PSMD6: variants seen among roughly 807,000 people sequenced by gnomAD.
PSMD6 encodes the protein proteasome 26S subunit, non-ATPase 6.
Under a neutral mutation model 44.9 loss-of-function variants are expected in PSMD6, and 7 were observed. That is an observed-to-expected ratio of 0.16 (90% CI 0.09 to 0.29). The LOEUF is 0.29. PSMD6 is among the 10% of genes least tolerant of loss of function. The pLI is 1.00. For synonymous variants in PSMD6, 184 were observed against 172.7 expected (o/e 1.07, Z -0.51); for missense variants, 420 against 482.6 (o/e 0.87, Z 1.21).
intron 6 of PSMD6, chr3:64,011,946 A>AATGAAC (rs1365320856): frequency 6.6e-6 from 1 of 152,264 alleles, no homozygotes; most frequent in Admixed American, 6.5e-5. Context: ...CCCGCACCCT[A>AATGAAC]ATGAACAGCC....
chr3:64,012,312 C>T (rs1173184061), intron 6 of PSMD6: 1 of 152,048 alleles, frequency 6.6e-6, no homozygotes, highest in East Asian at 1.9e-4. Flanking sequence ...TTTAAAAACA[C>T]CTACATGTGG....
At chr3:64,015,823 GT>G (rs1356597790) in intron 5 of PSMD6, 2 of 152,106 alleles carry the variant, frequency 1.3e-5, no homozygotes, top group Non-Finnish European at 2.9e-5. Context: ...ATATGATACT[GT>G]TTACAACTGT....
At chr3:64,023,088 G>A (rs1420402129) in intron 1 of PSMD6, 187 bp downstream of exon 1, 2 of 1,426,290 alleles carry the variant, frequency 1.4e-6, no homozygotes, top group African/African-American at 1.4e-5. Flanking sequence ...ACCCCGCTGA[G>A]GCAAGTCGAG....
At chr3:64,017,216 AATT>A (rs2076058476) in intron 5 of PSMD6, 1 of 152,238 alleles carries the variant, frequency 6.6e-6, no homozygotes, top group African/African-American at 2.4e-5. Flanking sequence ...GATGTTCTGG[AATT>A]ATTAATATTT....
chr3:64,016,655 A>AGAT (rs2076048806), intron 5 of PSMD6: 1 of 152,328 alleles, frequency 6.6e-6, no homozygotes, highest in East Asian at 1.9e-4. Flanking sequence ...ACACCCACAA[A>AGAT]GATACCTATA....
chr3:64,012,771 C>T (rs1189882019), intron 6 of PSMD6: 1 of 152,344 alleles, frequency 6.6e-6, no homozygotes, highest in Non-Finnish European at 1.5e-5. Flanking sequence ...TGACTCCTCT[C>T]AATTCAAATC....
At position 64,010,930 on chromosome 3, in the gene PSMD6, C is replaced by T. The variant is rs140886939; in HGVS notation, c.1021G>A (p.Gly341Arg). The part of the protein sequence containing the change: ...DQELSRFIAA[G>R]RLHCKIDKVN... ...TTATCTATTTTGCAGTGTAGTCTCC[C>T]GGCAGCAATAAACCTGGACAGTTCC... The change falls in exon 7 of 8, where the codon GGG becomes AGG. Residue 341 changes from glycine to arginine, a missense_variant. Around this residue, in one of 4 missense-constraint regions of PSMD6, gnomAD observed 63 missense variants for 112.1 expected, o/e 0.56. Transcript: ENST00000295901. The T allele has an allele frequency of 1.5e-3, 2,440 of 1,608,974 alleles. 2 individuals carry two copies. Among genetic ancestry groups the T allele is most frequent in the Non-Finnish European group, 1.8e-3 (2,104 of 1,177,074 alleles).
At chr3:64,010,836 T>C (rs761721292) in intron 7 of PSMD6, 42 bp downstream of exon 7, 13 of 1,580,480 alleles carry the variant, frequency 8.2e-6, no homozygotes, top group Admixed American at 3.4e-5. Context: ...TGACCTACTT[T>C]TAAAATTTAG....
At chr3:64,017,302 C>A (rs559523758) in intron 5 of PSMD6, 3 of 152,154 alleles carry the variant, frequency 2.0e-5, no homozygotes, top group Non-Finnish European at 4.4e-5. Context: ...GTGATTTATA[C>A]CTCAGTTTTT....
At chr3:64,011,196 G>GAAACCATA (rs1298207273) in intron 6 of PSMD6, 1 of 363,644 alleles carries the variant, frequency 2.7e-6, no homozygotes, top group African/African-American at 2.1e-5. Flanking sequence ...ATCAAACAAT[G>GAAACCATA]AAACCATATG....
intron 5 of PSMD6, chr3:64,016,965 T>C (rs1379139565): frequency 6.6e-6 from 1 of 152,178 alleles, no homozygotes; most frequent in Non-Finnish European, 1.5e-5. Flanking sequence ...AGACTATCAT[T>C]TGGCTATAAA....
rs2076089793 is a variant in PSMD6 at position 64,018,914 on chromosome 3, T to C, written c.621A>G (p.Thr207=). ...AAELFLDTVS[T]FTSYELMDYK... ...AATCCATGAGTTCATAGGATGTAAA[T>C]GTTGAAACAGTGTCAAGGAAGAGTT... Residue 207 remains threonine (T), a synonymous_variant, in exon 4 of 8, where the codon ACA becomes ACG. Coordinates refer to ENST00000295901, the MANE Select transcript of PSMD6 (RefSeq NM_014814.3). 4 of 1,598,420 alleles carry C rather than the reference T, an allele frequency of 2.5e-6. No individual in the cohort carries two copies. The highest frequency in any genetic ancestry group is 3.4e-6 in the Non-Finnish European group (4 of 1,165,864).
chr3:64,016,597 G>A (rs1164724602), intron 5 of PSMD6: 1 of 152,096 alleles, frequency 6.6e-6, no homozygotes, highest in African/African-American at 2.4e-5. Context: ...GATGCTCAAT[G>A]AAACTAGTCA....
At position 64,022,493 on chromosome 3, in the gene PSMD6, T is replaced by G. The variant is rs369805299; in HGVS notation, c.176A>C (p.Lys59Thr). Reference sequence around the variant, plus strand: ...CACGTCTATCTGCCAGTCGAGGGATTTGCACAAGGCTTCATAGTAAGGAGC... The same window carrying G: ...CACGTCTATCTGCCAGTCGAGGGATGTGCACAAGGCTTCATAGTAAGGAGC... ...NMAPYYEALC[K>T]SLDWQIDVDL... The change falls in exon 2 of 8, where the codon AAA becomes ACA. Residue 59 changes from lysine (K) to threonine (T), a missense_variant. Around this residue, in one of 4 missense-constraint regions of PSMD6, gnomAD observed 136 missense variants for 124.2 expected, o/e 1.09. Transcript: ENST00000295901. 4 of 1,613,936 alleles carry G rather than the reference T, an allele frequency of 2.5e-6. No homozygotes were observed. The highest frequency in any genetic ancestry group is 2.2e-5 in the East Asian group (1 of 44,890).
Position 64,019,322 on chromosome 3 carries a change from G to A in PSMD6, c.471C>T (p.Ile157=), listed in dbSNP as rs374826853. 1.3e-5 allele frequency: 20 copies of A among 1,590,128 alleles called. No homozygotes were observed. The highest frequency in any genetic ancestry group is 1.4e-5 in the Non-Finnish European group (16 of 1,158,306). The part of the protein sequence containing the change: ...IGLFYMDNDL[I]TRNTEKAKSL... ...TTTTGGCCTTTTCTGTGTTTCGTGT[G>A]ATGAGATCATTATCCATATAAAATA... The change falls in exon 3 of 8, where the codon ATC becomes ATT. Residue 157 remains isoleucine (I), a synonymous_variant. Transcript: ENST00000295901.
chr3:64,016,925 GATAA>G (rs2076053247), intron 5 of PSMD6: 1 of 152,130 alleles, frequency 6.6e-6, no homozygotes, highest in Non-Finnish European at 1.5e-5. Context: ...CTAATGAATG[GATAA>G]ATAAAATGTA....
chr3:64,023,794 AAAAC>A, upstream of PSMD6: 1 of 1,475,322 alleles, frequency 6.8e-7, no homozygotes, highest in Non-Finnish European at 9.2e-7. Flanking sequence ...AGCATTAATA[AAAAC>A]AATCACCATA....
rs778768185 is a variant in PSMD6 at position 64,019,438 on chromosome 3, C to T, written c.355G>A (p.Gly119Arg). ...EYLCRIGDKE[G>R]ALTAFRKTYD... Reference sequence around the variant, plus strand: ...GTCTTGCGAAAGGCTGTCAGAGCTCCCTCCTGTCAAGAAAGCCAAGGCAAT... The same window carrying T: ...GTCTTGCGAAAGGCTGTCAGAGCTCTCTCCTGTCAAGAAAGCCAAGGCAAT... Residue 119 changes from glycine to arginine, a missense_variant, in exon 3 of 8, where the codon GGA becomes AGA. Gly to Arg is a moderately radical substitution (Grantham distance 125). Transcript: ENST00000295901. The T allele has an allele frequency of 1.2e-6, 2 of 1,609,506 alleles. No homozygotes were observed. Among genetic ancestry groups the T allele is most frequent in the South Asian group, 1.1e-5 (1 of 89,880 alleles).
chr3:64,023,798 C>T (rs1378346957), upstream of PSMD6: 4 of 1,476,416 alleles, frequency 2.7e-6, no homozygotes, highest in Non-Finnish European at 3.7e-6. Flanking sequence ...TTAATAAAAA[C>T]AATCACCATA....
Sources: allele counts gnomAD v4.1 joint callset, GRCh38; gene constraint gnomAD v4.1.1; regional missense constraint gnomAD v4.1.1; transcripts MANE v1.5; gene names NCBI Gene and HGNC (gene_info 2026-07-23, HGNC 2026-07-21).